The following GPR52 variants were observed in gnomAD, a reference collection of about 807,000 sequenced individuals.
GPR52 encodes the protein G protein-coupled receptor 52.
A neutral mutation model predicts 24.0 loss-of-function variants in GPR52; 8 were observed. The ratio of observed to expected loss-of-function variants is 0.33; its 90% CI spans 0.20 to 0.60. The LOEUF is 0.60. GPR52 is among the 20% of genes least tolerant of loss of function. The pLI, the probability that GPR52 is intolerant of heterozygous loss-of-function variation, is 0.82. For missense variants in GPR52, 412 were observed against 447.7 expected (o/e 0.92, Z 0.72); for synonymous variants, 144 against 158.1 (o/e 0.91, Z 0.67).
At position 174,448,031 on chromosome 1, in the gene GPR52, CAT is replaced by C; in HGVS notation, c.-80_-79del. On this transcript the variant is annotated 5_prime_UTR_variant, in exon 1 of 1. The change abolishes an upstream ATG in the 5' untranslated region. Coordinates refer to ENST00000367685, the MANE Select transcript of GPR52 (RefSeq NM_005684.5). This position sits in a 1 kb window ranked among gnomAD's most constrained non-coding sequence, Gnocchi z 4.2. Reference sequence around the variant, plus strand: ...CTACTGAAGCAGGTTCTGAAACACTCATGTGCGGTGTTTAACAGATGCTGGGC... The same window carrying C: ...CTACTGAAGCAGGTTCTGAAACACTCGTGCGGTGTTTAACAGATGCTGGGC... The C allele has an allele frequency of 1.7e-6, 2 of 1,184,164 alleles. No homozygotes were observed. The highest frequency in any genetic ancestry group is 1.4e-5 in the South Asian group (1 of 70,400). The allele number at this position is 1,184,164 out of a possible 1,614,324, so 73.4% of individuals were successfully genotyped here.
chr1:174,449,220 A>G lies in GPR52; in HGVS notation c.*23A>G, dbSNP rs1342573310. On this transcript the variant is annotated 3_prime_UTR_variant, in exon 1 of 1. Transcript: ENST00000367685. ...TGAAGAGAGCTACATAGTAAATCAA[A>G]TGTAATCTGACAGTGGTTTTGGATC... 2 of 1,526,924 alleles carry G rather than the reference A, an allele frequency of 1.3e-6. No individual in the cohort carries two copies. Among genetic ancestry groups the G allele is most frequent in the African/African-American group, 2.8e-5 (2 of 71,868 alleles). The allele number at this position is 1,526,924 out of a possible 1,614,324, so 94.6% of individuals were successfully genotyped here. A position where few individuals can be genotyped will look rare whatever the true frequency, so the allele number is the denominator to read the frequency against.
Position 174,448,638 on chromosome 1 carries a change from C to T in GPR52, c.527C>T (p.Ser176Phe), listed in dbSNP as rs138614960. The change falls in exon 1 of 1, where the codon TCC becomes TTC. Residue 176 changes from serine (S) to phenylalanine (F), a missense_variant. Coordinates refer to ENST00000367685, the MANE Select transcript of GPR52 (RefSeq NM_005684.5). The surrounding 1 kb of genome is among the most constrained non-coding windows in gnomAD (Gnocchi z 4.2). Reference sequence around the variant, plus strand: ...TACTCCTGCCTAATTTTCTTGCCTTCCTTTTTTGGCTGGGGGAAACCTGGT... The same window carrying T: ...TACTCCTGCCTAATTTTCTTGCCTTTCTTTTTTGGCTGGGGGAAACCTGGT... The part of the protein sequence containing the change: ...WIYSCLIFLP[S>F]FFGWGKPGYH... The T allele has an allele frequency of 6.2e-7, 1 of 1,613,836 alleles. No individual in the cohort carries two copies. The highest frequency in any genetic ancestry group is 8.5e-7 in the Non-Finnish European group (1 of 1,179,776).
Position 174,448,992 on chromosome 1 carries a change from A to G in GPR52, c.881A>G (p.Asp294Gly), listed in dbSNP as rs924153268. The change falls in exon 1 of 1, where the codon GAC becomes GGC. Residue 294 changes from aspartate to glycine, a missense_variant. Asp to Gly is a moderately conservative substitution (Grantham distance 94, BLOSUM62 -1). Transcript: ENST00000367685. This position sits in a 1 kb window ranked among gnomAD's most constrained non-coding sequence, Gnocchi z 4.2. ...YFLLESSRVLDNPTLSFLTTW... is the reference protein window; with the variant it reads ...YFLLESSRVLGNPTLSFLTTW... ...CTTCTAGAAAGCTCCCGGGTCTTGG[A>G]CAATCCAACTCTGTCCTTCTTAACA... is the stretch of plus-strand genomic sequence containing the variant. 2 of 1,613,710 alleles carry G rather than the reference A, an allele frequency of 1.2e-6. No individual in the cohort carries two copies. The highest frequency in any genetic ancestry group is 1.7e-5 in the Admixed American group (1 of 60,002).
At position 174,449,157 on chromosome 1, in the gene GPR52, A is replaced by G. The variant is rs1218887550; in HGVS notation, c.1046A>G (p.Glu349Gly). The G allele has an allele frequency of 1.2e-6, 2 of 1,609,118 alleles. No homozygotes were observed. The highest frequency in any genetic ancestry group is 1.7e-6 in the Non-Finnish European group (2 of 1,178,336). ...TGTGTGAAGGATCAGGAAGCACAAG[A>G]ACCCAAACCTAGGAAACGGGCTAAT... is the stretch of plus-strand genomic sequence containing the variant. ...CMCVKDQEAQ[E>G]PKPRKRANSC... The change falls in exon 1 of 1, where the codon GAA (glutamate) becomes GGA (glycine). Residue 349 changes from glutamate (E) to glycine (G), a missense_variant. Transcript: ENST00000367685.
At position 174,448,668 on chromosome 1, in the gene GPR52, A is replaced by G; in HGVS notation, c.557A>G (p.His186Arg). 1 of 1,613,846 alleles carries G rather than the reference A, an allele frequency of 6.2e-7. No individual in the cohort carries two copies. ...SFFGWGKPGY[H>R]GDIFEWCATS... ...TTTGGCTGGGGGAAACCTGGTTACCATGGTGACATTTTTGAATGGTGTGCC... is the reference window on the plus strand; with the variant it reads ...TTTGGCTGGGGGAAACCTGGTTACCGTGGTGACATTTTTGAATGGTGTGCC... Residue 186 changes from histidine to arginine, a missense_variant, in exon 1 of 1, where the codon CAT (histidine) becomes CGT (arginine). Transcript: ENST00000367685. This position sits in a 1 kb window ranked among gnomAD's most constrained non-coding sequence, Gnocchi z 4.2.
chr1:174,448,797 T>G lies in GPR52; in HGVS notation c.686T>G (p.Ile229Ser). The change falls in exon 1 of 1, where the codon ATT becomes AGT. Residue 229 changes from isoleucine to serine, a missense_variant. Transcript: ENST00000367685. This position sits in a 1 kb window ranked among gnomAD's most constrained non-coding sequence, Gnocchi z 4.2. ...VCFTYFHIFK[I>S]CRQHTKEIND... ...TTCACTTACTTCCACATTTTCAAAA[T>G]TTGCCGTCAGCACACCAAAGAGATA... 6.2e-7 allele frequency: 1 copy of G among 1,614,044 alleles called. No individual in the cohort carries two copies. The highest frequency in any genetic ancestry group is 8.5e-7 in the Non-Finnish European group (1 of 1,179,958).
At position 174,448,376 on chromosome 1, in the gene GPR52, T is replaced by C. The variant is rs769314524; in HGVS notation, c.265T>C (p.Phe89Leu). The part of the protein sequence containing the change: ...FIQTMAYADL[F>L]VGVSCLVPTL... Reference sequence around the variant, plus strand: ...TCAGACGATGGCATATGCTGATCTTTTCGTTGGAGTTAGCTGCTTGGTTCC... The same window carrying C: ...TCAGACGATGGCATATGCTGATCTTCTCGTTGGAGTTAGCTGCTTGGTTCC... Residue 89 changes from phenylalanine to leucine, a missense_variant, in exon 1 of 1, where the codon TTC (phenylalanine) becomes CTC (leucine). Transcript: ENST00000367685. This position sits in a 1 kb window ranked among gnomAD's most constrained non-coding sequence, Gnocchi z 4.2. The C allele has an allele frequency of 6.2e-7, 1 of 1,613,910 alleles. No individual in the cohort carries two copies. Among genetic ancestry groups the C allele is most frequent in the Non-Finnish European group, 8.5e-7 (1 of 1,179,768 alleles).
Position 174,448,253 on chromosome 1 carries a change from G to A in GPR52, c.142G>A (p.Val48Met), listed in dbSNP as rs1231865036. ...CTGCATCTTCGAGACAGTGGTTATT[G>A]TGTTGCTGACATTTCTGATCATTGC... ...DVCIFETVVI[V>M]LLTFLIIAGN... Residue 48 changes from valine to methionine, a missense_variant, in exon 1 of 1, where the codon GTG (valine) becomes ATG (methionine). Coordinates refer to ENST00000367685, the MANE Select transcript of GPR52 (RefSeq NM_005684.5). The surrounding 1 kb of genome is among the most constrained non-coding windows in gnomAD (Gnocchi z 4.2). The A allele has an allele frequency of 1.2e-6, 2 of 1,613,952 alleles. No homozygotes were observed. Among genetic ancestry groups the A allele is most frequent in the African/African-American group, 2.7e-5 (2 of 74,910 alleles).
rs1219947635 is a variant in GPR52 at position 174,448,170 on chromosome 1, A to G, written c.59A>G (p.Asn20Ser). Residue 20 changes from asparagine (N) to serine (S), a missense_variant, in exon 1 of 1, where the codon AAT becomes AGT. By Grantham distance (46) the Asn-to-Ser change is conservative. Transcript: ENST00000367685. This position sits in a 1 kb window ranked among gnomAD's most constrained non-coding sequence, Gnocchi z 4.2. Reference sequence around the variant, plus strand: ...CTGAACATGAGCAGTGGCATTGTGAATGTGTCCGAGCGTCACTCCTGCCCA... The same window carrying G: ...CTGAACATGAGCAGTGGCATTGTGAGTGTGTCCGAGCGTCACTCCTGCCCA... ...RILNMSSGIVNVSERHSCPLG... is the reference protein window; with the variant it reads ...RILNMSSGIVSVSERHSCPLG... The G allele has an allele frequency of 6.2e-7, 1 of 1,613,552 alleles. No individual in the cohort carries two copies. Among genetic ancestry groups the G allele is most frequent in the South Asian group, 1.1e-5 (1 of 91,052 alleles).
chr1:174,448,474 C>A lies in GPR52; in HGVS notation c.363C>A (p.Ile121=). 1 of 1,613,834 alleles carries A rather than the reference C, an allele frequency of 6.2e-7. No individual in the cohort carries two copies. Among genetic ancestry groups the A allele is most frequent in the Non-Finnish European group, 8.5e-7 (1 of 1,179,756 alleles). ...SLTCQVFGYI[I]SVLKSVSMAC... ...CTTGCCAGGTTTTTGGATATATCAT[C>A]TCAGTTCTAAAAAGTGTTTCTATGG... The change falls in exon 1 of 1, where the codon ATC becomes ATA. Residue 121 remains isoleucine, a synonymous_variant. Transcript: ENST00000367685. This position sits in a 1 kb window ranked among gnomAD's most constrained non-coding sequence, Gnocchi z 4.2.
chr1:174,448,816 A>G lies in GPR52; in HGVS notation c.705A>G (p.Lys235=). Residue 235 remains lysine, a synonymous_variant, in exon 1 of 1, where the codon AAA becomes AAG. Coordinates refer to ENST00000367685, the MANE Select transcript of GPR52 (RefSeq NM_005684.5). The surrounding 1 kb of genome is among the most constrained non-coding windows in gnomAD (Gnocchi z 4.2). ...HIFKICRQHT[K]EINDRRARFP... ...TCAAAATTTGCCGTCAGCACACCAA[A>G]GAGATAAATGACCGAAGAGCCCGAT... 1.2e-6 allele frequency: 2 copies of G among 1,613,962 alleles called. No individual in the cohort carries two copies. The highest frequency in any genetic ancestry group is 4.5e-5 in the East Asian group (2 of 44,888).
At position 174,448,492 on chromosome 1, in the gene GPR52, T is replaced by G. The variant is rs748802654; in HGVS notation, c.381T>G (p.Val127=). 3 of 1,613,720 alleles carry G rather than the reference T, an allele frequency of 1.9e-6. No homozygotes were observed. In the African/African-American group the frequency reaches 4.0e-5, roughly 22 times the overall value. The change falls in exon 1 of 1, where the codon GTT becomes GTG. Residue 127 remains valine, a synonymous_variant. Transcript: ENST00000367685. This position sits in a 1 kb window ranked among gnomAD's most constrained non-coding sequence, Gnocchi z 4.2. ...FGYIISVLKS[V]SMACLACISV... is the part of the protein sequence containing the mutation. ...ATATCATCTCAGTTCTAAAAAGTGTTTCTATGGCATGTCTTGCTTGCATCA... is the reference window on the plus strand; with the variant it reads ...ATATCATCTCAGTTCTAAAAAGTGTGTCTATGGCATGTCTTGCTTGCATCA...
In GPR52 at chr1:174,448,017, G is replaced by A; in HGVS notation, c.-95G>A. ...AGCACTGACACTGTCTACTGAAGCA[G>A]GTTCTGAAACACTCATGTGCGGTGT... On this transcript the variant is annotated 5_prime_UTR_variant, in exon 1 of 1. Transcript: ENST00000367685. This position sits in a 1 kb window ranked among gnomAD's most constrained non-coding sequence, Gnocchi z 4.2. 9.8e-7 allele frequency: 1 copy of A among 1,021,378 alleles called. No individual in the cohort carries two copies. The highest frequency in any genetic ancestry group is 2.2e-5 in the Admixed American group (1 of 45,584). The allele number at this position is 1,021,378 out of a possible 1,614,324, so 63.3% of individuals were successfully genotyped here. A position where few individuals can be genotyped will look rare whatever the true frequency, so the allele number is the denominator to read the frequency against.
rs1324705110 is a variant in GPR52 at position 174,448,554 on chromosome 1, C to T, written c.443C>T (p.Ser148Phe). The change falls in exon 1 of 1, where the codon TCC becomes TTC. Residue 148 changes from serine (S) to phenylalanine (F), a missense_variant. Physicochemically the swap from Ser to Phe is radical, Grantham distance 155. Transcript: ENST00000367685. The surrounding 1 kb of genome is among the most constrained non-coding windows in gnomAD (Gnocchi z 4.2). ...DRYLAITKPL[S>F]YNQLVTPCRL... ...TATCTTGCAATAACCAAGCCTCTTT[C>T]CTACAATCAACTGGTCACCCCTTGT... The T allele has an allele frequency of 6.2e-7, 1 of 1,613,360 alleles. No homozygotes were observed.
chr1:174,448,334 A>G lies in GPR52; in HGVS notation c.223A>G (p.Thr75Ala), dbSNP rs773745455. ...TTGTGCTCCACTGTTACATCATTAT[A>G]CTACCAGCTATTTCATTCAGACGAT... The part of the protein sequence containing the change: ...FHCAPLLHHY[T>A]TSYFIQTMAY... The change falls in exon 1 of 1, where the codon ACT (threonine) becomes GCT (alanine). Residue 75 changes from threonine to alanine, a missense_variant. Coordinates refer to ENST00000367685, the MANE Select transcript of GPR52 (RefSeq NM_005684.5). The surrounding 1 kb of genome is among the most constrained non-coding windows in gnomAD (Gnocchi z 4.2). The G allele has an allele frequency of 6.2e-7, 1 of 1,613,708 alleles. No homozygotes were observed. The highest frequency in any genetic ancestry group is 8.5e-7 in the Non-Finnish European group (1 of 1,179,650).
rs746316105 is a variant in GPR52, at chr1:174,448,605, T to A, written c.494T>A (p.Ile165Asn). 1 of 1,614,076 alleles carries A rather than the reference T, an allele frequency of 6.2e-7. No homozygotes were observed. The highest frequency in any genetic ancestry group is 2.2e-5 in the East Asian group (1 of 44,874). ...CGCTTGAGAATTTGCATTATTTTGA[T>A]CTGGATCTACTCCTGCCTAATTTTC... ...PCRLRICIIL[I>N]WIYSCLIFLP... is the part of the protein sequence containing the mutation. The change falls in exon 1 of 1, where the codon ATC (isoleucine) becomes AAC (asparagine). Residue 165 changes from isoleucine to asparagine, a missense_variant. Coordinates refer to ENST00000367685, the MANE Select transcript of GPR52 (RefSeq NM_005684.5). The surrounding 1 kb of genome is among the most constrained non-coding windows in gnomAD (Gnocchi z 4.2).
chr1:174,448,161 G>A lies in GPR52; in HGVS notation c.50G>A (p.Gly17Asp), dbSNP rs528337147. The change falls in exon 1 of 1, where the codon GGC (glycine) becomes GAC (aspartate). Residue 17 changes from glycine (G) to aspartate (D), a missense_variant. Coordinates refer to ENST00000367685, the MANE Select transcript of GPR52 (RefSeq NM_005684.5). The surrounding 1 kb of genome is among the most constrained non-coding windows in gnomAD (Gnocchi z 4.2). ...TEWRILNMSS[G>D]IVNVSERHSC... Reference sequence around the variant, plus strand: ...TGGAGGATCCTGAACATGAGCAGTGGCATTGTGAATGTGTCCGAGCGTCAC... The same window carrying A: ...TGGAGGATCCTGAACATGAGCAGTGACATTGTGAATGTGTCCGAGCGTCAC... The A allele has an allele frequency of 9.3e-6, 15 of 1,613,212 alleles. No individual in the cohort carries two copies. The highest frequency in any genetic ancestry group is 8.8e-5 in the South Asian group (8 of 91,032).
At position 174,448,110 on chromosome 1, in the gene GPR52, C is replaced by G. The variant is rs559177505; in HGVS notation, c.-2C>G. On this transcript the variant is annotated 5_prime_UTR_variant, in exon 1 of 1. Coordinates refer to ENST00000367685, the MANE Select transcript of GPR52 (RefSeq NM_005684.5). This position sits in a 1 kb window ranked among gnomAD's most constrained non-coding sequence, Gnocchi z 4.2. Reference sequence around the variant, plus strand: ...CTGCAGGTGTCTTTAAATTTCCAAGCCATGAATGAATCCAGGTGGACTGAA... The same window carrying G: ...CTGCAGGTGTCTTTAAATTTCCAAGGCATGAATGAATCCAGGTGGACTGAA... 1.9e-6 allele frequency: 3 copies of G among 1,606,162 alleles called. No homozygotes were observed. Among genetic ancestry groups the G allele is most frequent in the Non-Finnish European group, 2.6e-6 (3 of 1,175,456 alleles).
chr1:174,449,323 C>A lies in GPR52; in HGVS notation c.*126C>A. 2.6e-6 allele frequency: 2 copies of A among 782,632 alleles called. No individual in the cohort carries two copies. Among genetic ancestry groups the A allele is most frequent in the Non-Finnish European group, 4.0e-6 (2 of 494,160 alleles). 48.5% of individuals were successfully genotyped at this position (782,632 alleles called of 1,614,324 possible). A position where few individuals can be genotyped will look rare whatever the true frequency, so the allele number is the denominator to read the frequency against. ...GTTGACTGTAAAATGAAGTATGAGACTAAAGGTTTCTCTCTTTTTTTTTCT... is the reference window on the plus strand; with the variant it reads ...GTTGACTGTAAAATGAAGTATGAGAATAAAGGTTTCTCTCTTTTTTTTTCT... On this transcript the variant is annotated 3_prime_UTR_variant, in exon 1 of 1. Coordinates refer to ENST00000367685, the MANE Select transcript of GPR52 (RefSeq NM_005684.5).
Sources: allele counts gnomAD v4.1 joint callset, GRCh38; gene constraint gnomAD v4.1.1; non-coding constraint Gnocchi (gnomAD v3.1); transcripts MANE v1.5; gene names NCBI Gene and HGNC (gene_info 2026-07-23, HGNC 2026-07-21).